Variants in NDE1 observed in about 807,000 individuals in gnomAD.
NDE1 encodes nudE neurodevelopment protein 1.
Under a neutral mutation model 43.4 loss-of-function variants are expected in NDE1, and 28 were observed. The ratio of observed to expected loss-of-function variants is 0.65; its 90% CI spans 0.48 to 0.89. NDE1 has a LOEUF of 0.89. Among genes scored for constraint, NDE1 ranks in the 40% least tolerant of loss-of-function variants. The pLI is 0.00. For synonymous variants in NDE1, 184 were observed against 172.0 expected, an observed-to-expected ratio of 1.07 and a Z score of -0.55; for missense variants, 441 against 434.1, an observed-to-expected ratio of 1.02 and a Z score of -0.14.
rs80085309 is a variant in NDE1, at chr16:15,693,062, A to T, written c.704-1103A>T. 3.2e-4 allele frequency among the ~76,000 whole-genome samples: 48 copies of T among 148,320 alleles called. 2 individuals carry two copies. In the East Asian group the frequency reaches 3.6e-3, roughly 11 times the overall value. ...GTCGGCCAGGCTGGAGTGCAGCGGCATTGATCTTGGCTCACTGCAGCCTCT... is the reference window on the plus strand; with the variant it reads ...GTCGGCCAGGCTGGAGTGCAGCGGCTTTGATCTTGGCTCACTGCAGCCTCT... On this transcript the variant is annotated intron_variant, in intron 6 of 8. Coordinates refer to ENST00000396354, the MANE Select transcript of NDE1 (RefSeq NM_017668.3).
intron 4 of NDE1, among the ~76,000 whole-genome samples, chr16:15,678,511 C>T (rs934732383): frequency 1.2e-4 from 19 of 152,062 alleles, no homozygotes; most frequent in Admixed American, 3.3e-4. Context: ...ATTACAGGCA[C>T]GTGCCACCAC....
intron 8 of NDE1, chr16:15,720,782 A>G (rs923933435): frequency 1.3e-6 from 2 of 1,540,258 alleles, no homozygotes; most frequent in Admixed American, 1.7e-5. Flanking sequence ...GAGAGTGGTG[A>G]TAGGAATGAA....
At chr16:15,666,573 C>T (rs1295313056) in intron 2 of NDE1, among the ~76,000 whole-genome samples, 2 of 152,136 alleles carry the variant, frequency 1.3e-5, no homozygotes, top group African/African-American at 4.8e-5. Context: ...CACACCTCTG[C>T]ATTCCAGTCT....
chr16:15,711,029 G>C (rs1271843900), intron 8 of NDE1: 2 of 152,286 alleles, frequency 1.3e-5, no homozygotes, highest in East Asian at 3.8e-4. Flanking sequence ...CCTCAACCCT[G>C]GGAGATGCTT....
intron 8 of NDE1, chr16:15,719,432 G>A (rs780877849): frequency 1.8e-5 from 27 of 1,467,748 alleles, no homozygotes; most frequent in Middle Eastern, 2.0e-4. Context: ...GGGAGGCCCC[G>A]TGAATACATA....
chr16:15,698,342 A>G (rs955096987), intron 8 of NDE1, among the ~76,000 whole-genome samples: 21 of 150,996 alleles, frequency 1.4e-4, no homozygotes, highest in African/African-American at 4.6e-4. Flanking sequence ...GGCCGCAGTG[A>G]GCCGTGTTCC....
At chr16:15,699,871 C>T in intron 8 of NDE1, 1 of 1,309,250 alleles carries the variant, frequency 7.6e-7, no homozygotes, top group Non-Finnish European at 1.0e-6. Flanking sequence ...AAGTCGTTAC[C>T]TTTTGTCGTC....
At chr16:15,700,785 A>G (rs2039194902) in intron 8 of NDE1, among the ~76,000 whole-genome samples, 1 of 151,914 alleles carries the variant, frequency 6.6e-6, no homozygotes. Flanking sequence ...TTAATGTCCC[A>G]AGTCTCCGTA....
At chr16:15,717,178 C>G in intron 8 of NDE1, 3 of 1,614,212 alleles carry the variant, frequency 1.9e-6, no homozygotes, top group Non-Finnish European at 2.5e-6. Context: ...GCTGTGCAAT[C>G]TTGGCCTCCA....
intron 8 of NDE1, chr16:15,718,774 CCT>C (rs1045361907): frequency 3.8e-5 from 17 of 445,810 alleles, no homozygotes; most frequent in African/African-American, 3.4e-4. Context: ...TGACGGAAAA[CCT>C]AACCACCATG....
intron 8 of NDE1, chr16:15,718,214 GCCT>G: frequency 6.3e-7 from 1 of 1,576,630 alleles, no homozygotes; most frequent in Non-Finnish European, 8.6e-7. Context: ...TCAATCCAGG[GCCT>G]GCACACAGGA....
intron 1 of NDE1, among the ~76,000 whole-genome samples, chr16:15,660,336 A>C (rs979194428): frequency 1.3e-5 from 2 of 151,970 alleles, no homozygotes; most frequent in African/African-American, 4.8e-5. Flanking sequence ...AGCTTGGCGT[A>C]GTGGCCTATA....
At chr16:15,705,532 T>C (rs948145331) in intron 8 of NDE1, among the ~76,000 whole-genome samples, 4 of 152,182 alleles carry the variant, frequency 2.6e-5, no homozygotes, top group East Asian at 1.9e-4. Context: ...CAAATAATTA[T>C]GTTGGGCTCT....
chr16:15,700,090 G>T (rs1274091375), intron 8 of NDE1: 3 of 1,155,432 alleles, frequency 2.6e-6, no homozygotes, highest in African/African-American at 1.6e-5. Context: ...TAAGTTGTCG[G>T]TGATGAGGCT....
chr16:15,691,428 C>A, intron 6 of NDE1, 105 bp downstream of exon 6: 1 of 1,317,510 alleles, frequency 7.6e-7, no homozygotes, highest in Non-Finnish European at 1.1e-6. Context: ...AGGCTCAGAG[C>A]CTGATTTGCT....
intron 4 of NDE1, among the ~76,000 whole-genome samples, chr16:15,679,102 C>CA (rs894585754): frequency 1.1e-4 from 16 of 151,722 alleles, no homozygotes; most frequent in African/African-American, 2.9e-4. Context: ...CAAAAAACAA[C>CA]AAAAAAACAA....
At chr16:15,709,045 T>G (rs1372273159) in intron 8 of NDE1, among the ~76,000 whole-genome samples, 1 of 151,918 alleles carries the variant, frequency 6.6e-6, no homozygotes, top group Non-Finnish European at 1.5e-5. Context: ...TGGATTCAAG[T>G]GATCCCCTTG....
chr16:15,675,498 G>A (rs1475559656), intron 3 of NDE1, among the ~76,000 whole-genome samples: 2 of 151,138 alleles, frequency 1.3e-5, no homozygotes, highest in East Asian at 1.9e-4. Flanking sequence ...GTGCAGCGGC[G>A]TGATCATAGC....
intron 3 of NDE1, among the ~76,000 whole-genome samples, chr16:15,674,246 TTTTG>T (rs531917973): frequency 1.7e-4 from 26 of 152,090 alleles, no homozygotes; most frequent in Middle Eastern, 3.2e-3. Flanking sequence ...CTGTCTTAGT[TTTTG>T]TTTGTTTGTT....
Sources: gnomAD v4.1 joint callset for allele counts (sites outside exome capture counted in the v4.1 genomes callset) on GRCh38, gnomAD v4.1.1 for gene constraint, MANE v1.5 for transcripts, NCBI Gene and HGNC (gene_info 2026-07-23, HGNC 2026-07-21) for gene names.